NDST1: variants seen among roughly 807,000 people sequenced by gnomAD.
NDST1 encodes N-deacetylase and N-sulfotransferase 1, also known as bifunctional heparan sulfate N-deacetylase/N-sulfotransferase 1.
Under a neutral mutation model 92.8 loss-of-function variants are expected in NDST1, and 35 were observed. The ratio of observed to expected loss-of-function variants is 0.38; its 90% confidence interval spans 0.29 to 0.50. NDST1 has a LOEUF of 0.50. Among genes scored for constraint, NDST1 ranks in the 20% least tolerant of loss-of-function variants. The probability of loss-of-function intolerance (pLI) is 0.94; values close to 1 mark genes in which losing one functional copy is unlikely to be tolerated. For synonymous variants in NDST1, 493 were observed against 500.3 expected, an observed-to-expected ratio of 0.99 and a Z score of 0.19; for missense variants, 822 against 1,182.7, an observed-to-expected ratio of 0.69 and a Z score of 4.47.
intron 1 of NDST1, among the ~76,000 whole-genome samples, chr5:150,511,601 G>T (rs193001976): frequency 1.2e-4 from 19 of 152,206 alleles, no homozygotes; most frequent in African/African-American, 4.3e-4. Context: ...CTTACTGCAG[G>T]GTAGACTGTG....
rs1003921533 is a variant in NDST1, at chr5:150,521,786, C to G, written c.513+19C>G. The G allele has an allele frequency of 6.2e-6, 10 of 1,610,966 alleles. No homozygotes were observed. The highest frequency in any genetic ancestry group is 4.0e-5 in the African/African-American group (3 of 74,888). The stretch of plus-strand genomic sequence containing the variant: ...CTTCAAGGTACACAAGAAGCAGGGT[C>G]CCCGAGCAGTTCAGAGCCCCCTCTG... On this transcript the variant is annotated intron_variant, in intron 2 of 14. Transcript: ENST00000261797. This position sits in a 1 kb window ranked among gnomAD's most constrained non-coding sequence, Gnocchi z 5.9.
chr5:150,517,222 G>A (rs1455663758), intron 1 of NDST1, among the ~76,000 whole-genome samples: 2 of 151,806 alleles, frequency 1.3e-5, no homozygotes, highest in Non-Finnish European at 2.9e-5. Context: ...CACAATTATG[G>A]CCACTGTAGC....
At chr5:150,533,834 G>A (rs904658529) in intron 4 of NDST1, among the ~76,000 whole-genome samples, 4 of 151,960 alleles carry the variant, frequency 2.6e-5, no homozygotes, top group African/African-American at 9.7e-5. Context: ...TGTAATCCCA[G>A]CACTTTGGGA....
At chr5:150,529,328 G>A (rs1754614601) in intron 3 of NDST1, among the ~76,000 whole-genome samples, 1 of 147,662 alleles carries the variant, frequency 6.8e-6, no homozygotes, top group African/African-American at 2.5e-5. Flanking sequence ...GGAGGTTGAG[G>A]CTGCAGTGAG....
upstream of NDST1, among the ~76,000 whole-genome samples, chr5:150,506,112 T>A (rs989668920): frequency 5.3e-5 from 8 of 152,176 alleles, no homozygotes; most frequent in Non-Finnish European, 4.4e-5. Flanking sequence ...TTGTGGAGAA[T>A]AAGAACCTTT....
At chr5:150,506,117 A>G (rs1273089422), upstream of NDST1, among the ~76,000 whole-genome samples, 1 of 151,980 alleles carries the variant, frequency 6.6e-6, no homozygotes, top group East Asian at 1.9e-4. Context: ...GAGAATAAGA[A>G]CCTTTGTTTT....
chr5:150,503,340 G>C (rs1033223358), upstream of NDST1, among the ~76,000 whole-genome samples: 1 of 152,212 alleles, frequency 6.6e-6, no homozygotes, highest in Non-Finnish European at 1.5e-5. Flanking sequence ...TACTCAGGAG[G>C]CTGGGGCAGG....
intron 1 of NDST1, among the ~76,000 whole-genome samples, chr5:150,520,514 G>A (rs1048469720): frequency 3.3e-5 from 5 of 152,102 alleles, no homozygotes; most frequent in African/African-American, 1.2e-4. Context: ...CTCCCCATCC[G>A]TCCTGCTCCT....
At position 150,534,970 on chromosome 5, in the gene NDST1, C is replaced by T; in HGVS notation, c.1200C>T (p.His400=). 6.2e-7 allele frequency: 1 copy of T among 1,614,250 alleles called. No individual in the cohort carries two copies. The highest frequency in any genetic ancestry group is 8.5e-7 in the Non-Finnish European group (1 of 1,180,050). Residue 400 remains histidine, a synonymous_variant, in exon 5 of 15, where the codon CAC becomes CAT. Coordinates refer to ENST00000261797, the MANE Select transcript of NDST1 (RefSeq NM_001543.5). The part of the protein sequence containing the change: ...MWSHMQPHLF[H]NQSVLAEQMA... ...GCCACATGCAGCCCCACCTTTTCCA[C>T]AACCAGTCCGTGTTGGCCGAGCAGA... is the stretch of plus-strand genomic sequence containing the variant.
At chr5:150,524,757 G>A (rs1345597739) in intron 2 of NDST1, among the ~76,000 whole-genome samples, 1 of 152,218 alleles carries the variant, frequency 6.6e-6, no homozygotes, top group Non-Finnish European at 1.5e-5. Flanking sequence ...CTACTTACCA[G>A]TTGAGCATCC....
chr5:150,548,751 C>G (rs1158398661), intron 12 of NDST1, among the ~76,000 whole-genome samples: 1 of 152,034 alleles, frequency 6.6e-6, no homozygotes, highest in Non-Finnish European at 1.5e-5. Flanking sequence ...CCAGGCTGGT[C>G]TCAAACTCCT....
upstream of NDST1, among the ~76,000 whole-genome samples, chr5:150,505,422 C>T (rs959391800): frequency 1.3e-5 from 2 of 152,140 alleles, no homozygotes; most frequent in African/African-American, 2.4e-5. Context: ...GATGCTGGTT[C>T]GAATCTCAGC....
intron 1 of NDST1, among the ~76,000 whole-genome samples, chr5:150,508,915 C>G (rs1012401121): frequency 1.3e-5 from 2 of 152,164 alleles, no homozygotes; most frequent in African/African-American, 4.8e-5. Context: ...GAAACTGAGG[C>G]TCAGAGAAGG....
chr5:150,540,290 G>A (rs1755184738), intron 8 of NDST1, 26 bp downstream of exon 8: 1 of 1,580,520 alleles, frequency 6.3e-7, no homozygotes, highest in Non-Finnish European at 8.6e-7. Context: ...GCCTGGGCAG[G>A]TTGCTACAGG....
chr5:150,553,125 G>A lies in NDST1; in HGVS notation c.2530-88G>A. The A allele has an allele frequency of 7.1e-7, 1 of 1,411,628 alleles. No individual in the cohort carries two copies. The highest frequency in any genetic ancestry group is 9.8e-7 in the Non-Finnish European group (1 of 1,016,536). 87.4% of individuals were successfully genotyped at this position (1,411,628 alleles called of 1,614,324 possible). A position where few individuals can be genotyped will look rare whatever the true frequency, so the allele number is the denominator to read the frequency against. On this transcript the variant is annotated intron_variant, in intron 14 of 14. Coordinates refer to ENST00000261797, the MANE Select transcript of NDST1 (RefSeq NM_001543.5). This position sits in a 1 kb window ranked among gnomAD's most constrained non-coding sequence, Gnocchi z 4.2. The stretch of plus-strand genomic sequence containing the variant: ...CAAAGTGCTGGGATTACAGGCATGA[G>A]CCACCGTGCCCGGCCGAGCATGGCG...
rs373735178 is a variant in NDST1 at position 150,551,837 on chromosome 5, T to C, written c.2511T>C (p.Tyr837=). The part of the protein sequence containing the change: ...KCLGKSKGRK[Y]PEMDLDSRAF... ...TGGGCAAAAGCAAGGGCCGGAAATA[T>C]CCCGAGATGGACTTGGATGTAAGTG... Residue 837 remains tyrosine, a synonymous_variant, in exon 14 of 15, where the codon TAT becomes TAC. Coordinates refer to ENST00000261797, the MANE Select transcript of NDST1 (RefSeq NM_001543.5). 11 of 1,613,476 alleles carry C rather than the reference T, an allele frequency of 6.8e-6. No individual in the cohort carries two copies. Among genetic ancestry groups the C allele is most frequent in the Non-Finnish European group, 5.9e-6 (7 of 1,179,466 alleles).
chr5:150,513,224 C>T (rs527437400), intron 1 of NDST1, among the ~76,000 whole-genome samples: 3 of 152,042 alleles, frequency 2.0e-5, no homozygotes, highest in Non-Finnish European at 2.9e-5. Context: ...GGCACAGTGG[C>T]TCACGTCTAT....
At chr5:150,550,422 G>A (rs1755670934) in intron 13 of NDST1, 1 of 157,322 alleles carries the variant, frequency 6.4e-6, no homozygotes, top group Non-Finnish European at 1.4e-5. Flanking sequence ...TCAGGAAAAG[G>A]AAACACAAAT....
intron 1 of NDST1, among the ~76,000 whole-genome samples, chr5:150,512,466 G>A (rs1299896080): frequency 2.0e-5 from 3 of 152,244 alleles, no homozygotes; most frequent in African/African-American, 7.2e-5. Flanking sequence ...TCAGTGCCTA[G>A]TGGCATGCTT....
Sources: gnomAD v4.1 joint callset for allele counts (sites outside exome capture counted in the v4.1 genomes callset) on GRCh38, gnomAD v4.1.1 for gene constraint, Gnocchi (gnomAD v3.1) non-coding constraint, MANE v1.5 for transcripts, NCBI Gene and HGNC (gene_info 2026-07-23, HGNC 2026-07-21) for gene names.